The following WDR49 variants were observed in gnomAD, a reference collection of about 807,000 sequenced individuals.
WDR49 encodes the protein cilia- and flagella-associated protein 337.
In WDR49, 107 loss-of-function variants were observed where a neutral mutation model predicts 119.5. That is an observed-to-expected ratio of 0.90 (90% CI 0.77 to 1.05). WDR49 has a LOEUF of 1.05. WDR49 is among the 50% of genes least tolerant of loss of function. WDR49 has a pLI of 0.00. For synonymous variants in WDR49, 425 were observed against 418.8 expected (o/e 1.01, Z -0.18); for missense variants, 1,240 against 1,220.5 (o/e 1.02, Z -0.24).
intron 7 of WDR49, among the ~76,000 whole-genome samples, chr3:167,587,673 TG>T (rs1376000810): frequency 3.3e-5 from 5 of 151,986 alleles, no homozygotes; most frequent in Admixed American, 6.6e-5. Context: ...TTTGTAGAGA[TG>T]GGTTTTTCCA....
At chr3:167,609,266 C>A (rs1361169276) in intron 5 of WDR49, among the ~76,000 whole-genome samples, 20 of 152,230 alleles carry the variant, frequency 1.3e-4, no homozygotes, top group Non-Finnish European at 4.4e-5. Context: ...GTTTTCACTT[C>A]ACATCGCTGA....
chr3:167,651,261 A>G (rs1718366033), intron 2 of WDR49, among the ~76,000 whole-genome samples: 1 of 152,196 alleles, frequency 6.6e-6, no homozygotes, highest in African/African-American at 2.4e-5. Flanking sequence ...GAAGATATAA[A>G]GGAATCTGGT....
intron 2 of WDR49, among the ~76,000 whole-genome samples, chr3:167,649,883 A>C (rs1441982240): frequency 6.6e-6 from 1 of 152,216 alleles, no homozygotes; most frequent in Non-Finnish European, 1.5e-5. Context: ...CTCAGCTTAC[A>C]GTCAGGCCAG....
At chr3:167,581,655 A>G (rs1284914730) in intron 7 of WDR49, among the ~76,000 whole-genome samples, 1 of 152,188 alleles carries the variant, frequency 6.6e-6, no homozygotes, top group Non-Finnish European at 1.5e-5. Context: ...TAATAAATCA[A>G]CAAGTAAATA....
At chr3:167,640,357 C>T (rs943226871) in intron 2 of WDR49, among the ~76,000 whole-genome samples, 1 of 151,800 alleles carries the variant, frequency 6.6e-6, no homozygotes, top group Non-Finnish European at 1.5e-5. Context: ...AACCATCTTC[C>T]GTTGACATTG....
chr3:167,610,137 T>C (rs899676183), intron 5 of WDR49, among the ~76,000 whole-genome samples: 3 of 152,194 alleles, frequency 2.0e-5, no homozygotes, highest in African/African-American at 7.2e-5. Context: ...GAAAAACTCC[T>C]CCTGCTTGAG....
intron 2 of WDR49, among the ~76,000 whole-genome samples, chr3:167,651,483 G>A (rs1362510932): frequency 2.6e-5 from 4 of 152,240 alleles, no homozygotes; most frequent in African/African-American, 9.6e-5. Flanking sequence ...TGTCCGTGCT[G>A]TGTTTGGAAA....
chr3:167,642,640 C>A (rs1432827966), intron 2 of WDR49, among the ~76,000 whole-genome samples: 2 of 151,926 alleles, frequency 1.3e-5, no homozygotes, highest in South Asian at 2.1e-4. Context: ...AGCAATGACA[C>A]CCCTAATAGC....
At chr3:167,492,776 T>C (rs776338834) in intron 18 of WDR49, among the ~76,000 whole-genome samples, 5 of 152,114 alleles carry the variant, frequency 3.3e-5, no homozygotes, top group Non-Finnish European at 7.4e-5. Flanking sequence ...TCTTTATACA[T>C]TTATCGTTTC....
intron 2 of WDR49, among the ~76,000 whole-genome samples, chr3:167,645,905 T>A (rs766323172): frequency 6.6e-6 from 1 of 152,156 alleles, no homozygotes; most frequent in South Asian, 2.1e-4. Flanking sequence ...TAGGAAGCTA[T>A]GAGAAGAGAA....
intron 8 of WDR49, among the ~76,000 whole-genome samples, chr3:167,566,339 G>T (rs538072231): frequency 2.0e-4 from 31 of 152,212 alleles, no homozygotes; most frequent in African/African-American, 7.2e-4. Context: ...CAACCTAAAT[G>T]CTCAAAGTTT....
intron 7 of WDR49, among the ~76,000 whole-genome samples, chr3:167,584,249 A>G (rs1425624296): frequency 6.6e-6 from 1 of 152,050 alleles, no homozygotes; most frequent in Non-Finnish European, 1.5e-5. Context: ...AAATATGGAG[A>G]AAAAAAATCT....
chr3:167,560,420 C>A (rs545754168), intron 8 of WDR49, among the ~76,000 whole-genome samples, 192 bp from the exon 9 acceptor site: 1 of 152,220 alleles, frequency 6.6e-6, no homozygotes, highest in Non-Finnish European at 1.5e-5. Context: ...GTAATGAAGT[C>A]GTGATCCTCT....
chr3:167,546,784 A>C (rs566938737), intron 10 of WDR49, among the ~76,000 whole-genome samples: 1 of 151,856 alleles, frequency 6.6e-6, no homozygotes, highest in African/African-American at 2.4e-5. Flanking sequence ...TTATCATGTA[A>C]AAATTGTCAT....
At chr3:167,585,829 T>C (rs943986906) in intron 7 of WDR49, among the ~76,000 whole-genome samples, 3 of 152,084 alleles carry the variant, frequency 2.0e-5, no homozygotes, top group Non-Finnish European at 2.9e-5. Flanking sequence ...GGGTTGATGA[T>C]AGTTATTCCT....
intron 7 of WDR49, among the ~76,000 whole-genome samples, chr3:167,578,950 GAC>G (rs2108286436): frequency 6.6e-6 from 1 of 152,198 alleles, no homozygotes; most frequent in Non-Finnish European, 1.5e-5. Context: ...AGTTTCAAGT[GAC>G]AATATCATTT....
upstream of WDR49, among the ~76,000 whole-genome samples, chr3:167,656,284 C>A (rs1032162158): frequency 2.2e-4 from 34 of 152,190 alleles, no homozygotes; most frequent in African/African-American, 8.0e-4. Context: ...TACATGGGAA[C>A]ACGATTTGTC....
intron 5 of WDR49, among the ~76,000 whole-genome samples, chr3:167,614,341 C>T (rs559300211): frequency 5.3e-5 from 8 of 152,228 alleles, no homozygotes; most frequent in South Asian, 2.1e-4. Flanking sequence ...TCAGGTGATC[C>T]GCCCACCTCG....
intron 3 of WDR49, among the ~76,000 whole-genome samples, chr3:167,622,722 AATGT>A (rs1716930317): frequency 6.6e-6 from 1 of 152,124 alleles, no homozygotes. Context: ...AACTAGATCT[AATGT>A]ATGTCTAAAG....
Sources: gnomAD v4.1 joint callset for allele counts (sites outside exome capture counted in the v4.1 genomes callset) on GRCh38, gnomAD v4.1.1 for gene constraint, MANE v1.5 for transcripts, NCBI Gene and HGNC (gene_info 2026-07-23, HGNC 2026-07-21) for gene names.